ITPKB: variants seen among roughly 807,000 people sequenced by gnomAD.
ITPKB encodes IP3 3-kinase B.
Under a neutral mutation model 69.4 loss-of-function variants are expected in ITPKB, and 13 were observed. The observed-to-expected ratio is 0.19, with a 90% CI of 0.12 to 0.30. The LOEUF (loss-of-function observed/expected upper bound fraction) is 0.30, where lower values mean the gene tolerates loss of function less well. Ranked by LOEUF, ITPKB falls within the 10% of genes least tolerant of loss-of-function variation. The pLI is 1.00. For missense variants in ITPKB, 1,240 were observed against 1,250.5 expected (o/e 0.99, Z 0.13); for synonymous variants, 584 against 513.7 (o/e 1.14, Z -1.85).
intron 2 of ITPKB, among the ~76,000 whole-genome samples, chr1:226,715,263 G>T (rs953663728): frequency 2.0e-5 from 3 of 152,216 alleles, no homozygotes; most frequent in African/African-American, 7.2e-5. Flanking sequence ...AACTCCATGG[G>T]TAAAGCGTTA....
At chr1:226,692,815 T>C (rs1656389318) in intron 2 of ITPKB, among the ~76,000 whole-genome samples, 1 of 152,198 alleles carries the variant, frequency 6.6e-6, no homozygotes, top group Non-Finnish European at 1.5e-5. Context: ...ACATACCAAC[T>C]TCTTTAAAAA....
intron 2 of ITPKB, among the ~76,000 whole-genome samples, chr1:226,655,486 C>T (rs1669271688): frequency 6.6e-6 from 1 of 152,224 alleles, no homozygotes; most frequent in African/African-American, 2.4e-5. Flanking sequence ...GGGCTCAAGG[C>T]CACCGGCACC....
intron 2 of ITPKB, among the ~76,000 whole-genome samples, chr1:226,674,410 G>A (rs1185179508): frequency 6.6e-6 from 1 of 152,086 alleles, no homozygotes; most frequent in Non-Finnish European, 1.5e-5. Flanking sequence ...TCTTGGCCAG[G>A]CTAGTTTTGA....
Position 226,634,933 on chromosome 1 carries a change from C to A in ITPKB, c.2626-47G>T, listed in dbSNP as rs1204807463. The A allele has an allele frequency of 6.7e-7, 1 of 1,494,108 alleles. No homozygotes were observed. The allele number at this position is 1,494,108 out of a possible 1,614,324, so 92.6% of individuals were successfully genotyped here. On this transcript the variant is annotated intron_variant, in intron 7 of 7. Coordinates refer to ENST00000429204, the MANE Select transcript of ITPKB (RefSeq NM_002221.4). The surrounding 1 kb of genome is among the most constrained non-coding windows in gnomAD (Gnocchi z 6.3). ...AGGGTGAGCTGAAGCCCGGGCCTCG[C>A]CCTCCCCACTGCGGCCCGGGGCCTG...
In ITPKB at chr1:226,641,646, C is replaced by G. The variant is rs1203262880; in HGVS notation, c.2451+275G>C. ...GTGCCTCTCGCCTGGCTTTCGGTGC[C>G]AGGCACCGTCTGGGCTAAATGGAGA... On this transcript the variant is annotated intron_variant, in intron 5 of 7. Coordinates refer to ENST00000429204, the MANE Select transcript of ITPKB (RefSeq NM_002221.4). This position sits in a 1 kb window ranked among gnomAD's most constrained non-coding sequence, Gnocchi z 4.6. Among the ~76,000 whole-genome samples, 1 of 152,250 alleles carries G rather than the reference C, an allele frequency of 6.6e-6. No individual in the cohort carries two copies. Among genetic ancestry groups the G allele is most frequent in the Non-Finnish European group, 1.5e-5 (1 of 68,044 alleles).
intron 2 of ITPKB, among the ~76,000 whole-genome samples, chr1:226,729,444 T>G (rs1350530373): frequency 1.5e-5 from 2 of 133,716 alleles, no homozygotes; most frequent in African/African-American, 5.7e-5. Context: ...ATCATGCCAC[T>G]GCACTCCAGC....
chr1:226,649,560 C>T (rs942039244), intron 2 of ITPKB, among the ~76,000 whole-genome samples: 1 of 147,950 alleles, frequency 6.8e-6, no homozygotes, highest in Non-Finnish European at 1.5e-5. Context: ...GTGATATGCA[C>T]ATATGTGTGC....
In ITPKB at chr1:226,736,364, A is replaced by C. The variant is rs187169541; in HGVS notation, c.1095T>G (p.Asp365Glu). Residue 365 changes from aspartate to glutamate, a missense_variant, in exon 2 of 8, where the codon GAT becomes GAG. Asp to Glu is a conservative substitution (Grantham distance 45, BLOSUM62 2). Transcript: ENST00000429204. ...TCCCCATCTTCCCAGGGGGTTCTCC[A>C]TCGCGGGGCCCGCCCCTTTCTGGGG... is the stretch of plus-strand genomic sequence containing the variant. ...SPAPERGGPR[D>E]GEPPGKMGKG... 1.2e-6 allele frequency: 2 copies of C among 1,612,526 alleles called. No homozygotes were observed.
At chr1:226,715,451 A>G (rs1322745703) in intron 2 of ITPKB, among the ~76,000 whole-genome samples, 4 of 152,220 alleles carry the variant, frequency 2.6e-5, no homozygotes, top group Non-Finnish European at 5.9e-5. Flanking sequence ...ACTCTGACCC[A>G]GAAGATTTAA....
intron 2 of ITPKB, among the ~76,000 whole-genome samples, chr1:226,670,459 T>C (rs1412569994): frequency 2.6e-5 from 4 of 152,172 alleles, no homozygotes; most frequent in Non-Finnish European, 4.4e-5. Context: ...CTAATAACAA[T>C]AGTAGTGAAA....
intron 2 of ITPKB, among the ~76,000 whole-genome samples, chr1:226,662,940 G>T (rs1226202746): frequency 6.6e-6 from 1 of 152,184 alleles, no homozygotes; most frequent in Admixed American, 6.5e-5. Flanking sequence ...GAGTCACCCA[G>T]CTTCCCTCTC....
At chr1:226,647,474 G>T in intron 3 of ITPKB, 94 bp from the exon 4 acceptor site, 1 of 872,522 alleles carries the variant, frequency 1.1e-6, no homozygotes, top group South Asian at 1.5e-5. Flanking sequence ...CCCTGGGGAT[G>T]GCTAAGCCTG....
At chr1:226,689,610 T>TGTGTGTGTGTGTGC (rs1553255322) in intron 2 of ITPKB, among the ~76,000 whole-genome samples, 1 of 147,406 alleles carries the variant, frequency 6.8e-6, no homozygotes, top group Admixed American at 6.8e-5. Context: ...TGTGTGTGTG[T>TGTGTGTGTGTGTGC]GTGCATGCAT....
intron 2 of ITPKB, among the ~76,000 whole-genome samples, chr1:226,654,897 GAGGAGGA>G (rs1669260747): frequency 6.6e-6 from 1 of 152,152 alleles, no homozygotes; most frequent in African/African-American, 2.4e-5. Context: ...GACAGGGGAA[GAGGAGGA>G]AGGAGGAAGA....
chr1:226,734,476 C>G (rs1278915677), intron 2 of ITPKB, among the ~76,000 whole-genome samples: 1 of 152,142 alleles, frequency 6.6e-6, no homozygotes, highest in Non-Finnish European at 1.5e-5. Context: ...AAGATGAAAT[C>G]GGAAGGCTAC....
At chr1:226,713,643 C>T (rs1558093743) in intron 2 of ITPKB, among the ~76,000 whole-genome samples, 1 of 152,190 alleles carries the variant, frequency 6.6e-6, no homozygotes, top group Non-Finnish European at 1.5e-5. Flanking sequence ...TGTTCTCAGT[C>T]GCTACTGTTG....
chr1:226,663,878 TCATTA>T (rs1458012445), intron 2 of ITPKB, among the ~76,000 whole-genome samples: 2 of 152,176 alleles, frequency 1.3e-5, no homozygotes, highest in Admixed American at 6.5e-5. Context: ...GCTTTTGGGA[TCATTA>T]CAGACAGCAT....
chr1:226,735,680 C>T lies in ITPKB; in HGVS notation c.1779G>A (p.Leu593=). ...EETQGSPRGN[L]PLRKLSSSSA... ...AGGAAGAGGACAGTTTCCTCAGGGG[C>T]AGGTTGCCCCGAGGGCTTCCCTGCG... is the stretch of plus-strand genomic sequence containing the variant. Residue 593 remains leucine (L), a synonymous_variant, in exon 2 of 8, where the codon CTG becomes CTA. Coordinates refer to ENST00000429204, the MANE Select transcript of ITPKB (RefSeq NM_002221.4). 2 of 1,606,576 alleles carry T rather than the reference C, an allele frequency of 1.2e-6. No individual in the cohort carries two copies. Among genetic ancestry groups the T allele is most frequent in the Non-Finnish European group, 1.7e-6 (2 of 1,176,050 alleles).
rs1174457089 is a variant in ITPKB at position 226,637,740 on chromosome 1, C to T, written c.2564G>A (p.Arg855Gln). The T allele has an allele frequency of 3.3e-5, 54 of 1,613,474 alleles. No homozygotes were observed. The highest frequency in any genetic ancestry group is 6.7e-5 in the East Asian group (3 of 44,894). The change falls in exon 7 of 8, where the codon CGG (arginine) becomes CAG (glutamine). Residue 855 changes from arginine to glutamine, a missense_variant. Coordinates refer to ENST00000429204, the MANE Select transcript of ITPKB (RefSeq NM_002221.4). This position sits in a 1 kb window ranked among gnomAD's most constrained non-coding sequence, Gnocchi z 4.3. ...KGNHNILIAY[R>Q]DRLKAIRTTL... ...GGTTCGAATGGCCTTCAGCCGGTCC[C>T]GATAGGCGATCTGGGAATAGAAAGA... is the stretch of plus-strand genomic sequence containing the variant.
Sources: gnomAD v4.1 joint callset for allele counts (sites outside exome capture counted in the v4.1 genomes callset) on GRCh38, gnomAD v4.1.1 for gene constraint, Gnocchi (gnomAD v3.1) non-coding constraint, MANE v1.5 for transcripts, NCBI Gene and HGNC (gene_info 2026-07-23, HGNC 2026-07-21) for gene names.